RBFOX3: variants seen among roughly 807,000 people sequenced by gnomAD.
RBFOX3 encodes the protein RNA binding fox-1 homolog 3, also known as RNA binding protein fox-1 homolog 3.
A neutral mutation model predicts 48.7 loss-of-function variants in RBFOX3; 17 were observed. The ratio of observed to expected loss-of-function variants is 0.35; its 90% CI spans 0.24 to 0.52. RBFOX3 has a LOEUF of 0.52. Among genes scored for constraint, RBFOX3 ranks in the 20% least tolerant of loss-of-function variants. The probability of loss-of-function intolerance (pLI) is 0.94; values close to 1 mark genes in which losing one functional copy is unlikely to be tolerated. For synonymous variants in RBFOX3, 212 were observed against 209.5 expected (o/e 1.01, Z -0.10); for missense variants, 382 against 497.5 (o/e 0.77, Z 2.21).
intron 2 of RBFOX3, among the ~76,000 whole-genome samples, chr17:79,427,611 C>T (rs139513695): frequency 6.6e-6 from 1 of 152,350 alleles, no homozygotes; most frequent in Non-Finnish European, 1.5e-5. Context: ...AACAGCATTT[C>T]TCACTCTTAA....
Position 79,248,325 on chromosome 17 carries a change from C to T in RBFOX3, c.-73-12520G>A, listed in dbSNP as rs530017820. Among the ~76,000 whole-genome samples, 341 of 152,082 alleles carry T rather than the reference C, an allele frequency of 2.2e-3. 1 individual carries two copies. Among genetic ancestry groups the T allele is most frequent in the African/African-American group, 7.5e-3 (313 of 41,502 alleles). On this transcript the variant is annotated intron_variant, in intron 3 of 14. Transcript: ENST00000693108. ...CTTGGCTCACTGCAACCTCCACTCC[C>T]GGGTTCACGCCATTCTCCTGCCTCA...
At chr17:79,145,328 C>T (rs1352561490) in intron 4 of RBFOX3, among the ~76,000 whole-genome samples, 4 of 152,170 alleles carry the variant, frequency 2.6e-5, no homozygotes, top group Non-Finnish European at 4.4e-5. Context: ...TCCCGATGTG[C>T]GTGGCGGTTC....
chr17:79,357,752 G>A (rs921872572), intron 2 of RBFOX3, among the ~76,000 whole-genome samples: 18 of 151,362 alleles, frequency 1.2e-4, no homozygotes, highest in Admixed American at 9.9e-4. Context: ...AATGAAGTGC[G>A]TTTGTTGAAT....
At chr17:79,201,968 C>G (rs1318928170) in intron 4 of RBFOX3, among the ~76,000 whole-genome samples, 1 of 152,210 alleles carries the variant, frequency 6.6e-6, no homozygotes, top group Non-Finnish European at 1.5e-5. Context: ...ACCACCTTCT[C>G]TCTACAGTTA....
At chr17:79,356,433 A>G (rs2085142319) in intron 2 of RBFOX3, among the ~76,000 whole-genome samples, 1 of 124,502 alleles carries the variant, frequency 8.0e-6, no homozygotes, top group Non-Finnish European at 1.6e-5. Flanking sequence ...CTGTGGCACA[A>G]TCTTGGCTTA....
intron 2 of RBFOX3, among the ~76,000 whole-genome samples, chr17:79,458,438 C>T (rs571925431): frequency 5.9e-5 from 9 of 151,604 alleles, no homozygotes; most frequent in Admixed American, 2.0e-4. Flanking sequence ...GATATACACA[C>T]GTGTGTGCAT....
chr17:79,143,207 G>T (rs1025764927), intron 4 of RBFOX3, among the ~76,000 whole-genome samples: 2 of 152,156 alleles, frequency 1.3e-5, no homozygotes, highest in Non-Finnish European at 2.9e-5. Flanking sequence ...GTGGCGACTA[G>T]CACTGACCGG....
intron 2 of RBFOX3, among the ~76,000 whole-genome samples, chr17:79,452,829 G>A (rs1057508641): frequency 5.9e-5 from 9 of 152,188 alleles, no homozygotes; most frequent in East Asian, 1.9e-4. Context: ...CACAACCCGG[G>A]GGCATTGCAG....
chr17:79,291,457 G>A (rs561314313), intron 3 of RBFOX3, among the ~76,000 whole-genome samples: 5 of 152,156 alleles, frequency 3.3e-5, no homozygotes, highest in African/African-American at 1.2e-4. Flanking sequence ...TGCAGCCCTC[G>A]GCTTCAAGTG....
At chr17:79,653,127 G>A in the RBFOX3 span, among the ~76,000 whole-genome samples, 2 of 152,272 alleles carry the variant, frequency 1.3e-5, no homozygotes, top group Admixed American at 1.3e-4. Context: ...AGAATAAAGA[G>A]GCTTAGGATA....
At chr17:79,620,125 ACACACATG>A in the RBFOX3 span, among the ~76,000 whole-genome samples, 6 of 146,856 alleles carry the variant, frequency 4.1e-5, no homozygotes, top group African/African-American at 1.5e-4. Context: ...ATGCACACAT[ACACACATG>A]CACACGCGCA....
chr17:79,235,955 G>GT (rs1486270665), intron 3 of RBFOX3, 150 bp from the exon 4 acceptor site: 2 of 152,834 alleles, frequency 1.3e-5, no homozygotes, highest in Admixed American at 1.3e-4. Context: ...ACCTGCCTGG[G>GT]TTAACCTCTG....
intron 2 of RBFOX3, among the ~76,000 whole-genome samples, chr17:79,319,148 AT>A (rs1200938701): frequency 6.6e-6 from 1 of 152,194 alleles, no homozygotes. Context: ...GGATTTCATT[AT>A]AGTCAGGTGG....
chr17:79,348,571 C>CTTT (rs71358701), intron 2 of RBFOX3, among the ~76,000 whole-genome samples: 1,283 of 75,168 alleles, frequency 0.017, 113 homozygotes, highest in Non-Finnish European at 0.023. Context: ...TTTTCTTTTC[C>CTTT]TTTTTTTTTT....
chr17:79,123,401 C>A (rs2036287970), intron 4 of RBFOX3, among the ~76,000 whole-genome samples: 1 of 152,008 alleles, frequency 6.6e-6, no homozygotes, highest in Non-Finnish European at 1.5e-5. Context: ...CTCCCCACCC[C>A]CTCTACCCCC....
In RBFOX3 at chr17:79,472,769, G is replaced by T. The variant is rs564955311; in HGVS notation, c.-175+9685C>A. Among the ~76,000 whole-genome samples the T allele has an allele frequency of 1.2e-4, 19 of 152,300 alleles. No homozygotes were observed. The South Asian group carries it at 1.9e-3, about 15-fold the overall frequency. ...GCGAGGACACTGCCCTGGGTCTGTTGGTCAGTGGCAGAGCTTATTCAAACG... is the reference window on the plus strand; with the variant it reads ...GCGAGGACACTGCCCTGGGTCTGTTTGTCAGTGGCAGAGCTTATTCAAACG... On this transcript the variant is annotated intron_variant, in intron 2 of 14. Coordinates refer to ENST00000693108, the MANE Select transcript of RBFOX3 (RefSeq NM_001350451.2).
intron 3 of RBFOX3, among the ~76,000 whole-genome samples, chr17:79,279,415 C>T (rs1440969405): frequency 2.0e-5 from 3 of 152,144 alleles, no homozygotes; most frequent in African/African-American, 2.4e-5. Flanking sequence ...GACCTTGATG[C>T]TGAGATTCCA....
chr17:79,637,871 T>C, the RBFOX3 span, among the ~76,000 whole-genome samples: 2 of 151,960 alleles, frequency 1.3e-5, no homozygotes, highest in South Asian at 4.2e-4. Context: ...AAATTCAAGA[T>C]GATCTAAATT....
intron 1 of RBFOX3, among the ~76,000 whole-genome samples, chr17:79,579,697 AAGTCACTGGCGCCATGGTGGGG>A (rs1308692670): frequency 0.017 from 2,549 of 148,594 alleles, 28 homozygotes; most frequent in Middle Eastern, 0.028. Context: ...CATGGTGGGG[AAGTCACTGGCGCCATGGTGGGG>A]AGTCACTGGC....
Sources: allele counts gnomAD v4.1 joint callset (sites outside exome capture counted in the v4.1 genomes callset), GRCh38; gene constraint gnomAD v4.1.1; transcripts MANE v1.5; gene names NCBI Gene and HGNC (gene_info 2026-07-23, HGNC 2026-07-21).